The following PEDS1 variants were observed in gnomAD, a reference collection of about 807,000 sequenced individuals.
The protein encoded by PEDS1 is CarF homolog.
Under a neutral mutation model 35.2 loss-of-function variants are expected in PEDS1, and 14 were observed. The observed-to-expected ratio is 0.40, with a 90% confidence interval of 0.26 to 0.62. The LOEUF is 0.62. Among genes scored for constraint, PEDS1 ranks in the 20% least tolerant of loss-of-function variants. The pLI is 0.44. For missense variants in PEDS1, 260 were observed against 367.8 expected (o/e 0.71, Z 2.40); for synonymous variants, 152 against 152.0 (o/e 1.00, Z 0.00).
Position 50,130,919 on chromosome 20 carries a change from C to T in PEDS1, c.270G>A (p.Leu90=). The change falls in exon 3 of 6, where the codon TTG becomes TTA. Residue 90 remains leucine (L), a synonymous_variant. Transcript: ENST00000371652. ...CAGCACCCCAGTGTACCAGGCCAGACAAGAAGTCAGCAATGAGAGCCCCTG... is the reference window on the plus strand; with the variant it reads ...CAGCACCCCAGTGTACCAGGCCAGATAAGAAGTCAGCAATGAGAGCCCCTG... ...VVAGALIADF[L]SGLVHWGADT... is the part of the protein sequence containing the mutation. 1 of 1,614,224 alleles carries T rather than the reference C, an allele frequency of 6.2e-7. No homozygotes were observed. The highest frequency in any genetic ancestry group is 8.5e-7 in the Non-Finnish European group (1 of 1,180,048).
At chr20:50,139,512 C>T (rs902802774) in intron 2 of PEDS1, among the ~76,000 whole-genome samples, 3 of 151,438 alleles carry the variant, frequency 2.0e-5, no homozygotes, top group Admixed American at 6.6e-5. Flanking sequence ...TCTCCCCCGA[C>T]CTCCCTGGTT....
intron 5 of PEDS1, among the ~76,000 whole-genome samples, chr20:50,125,672 C>T (rs2081095196): frequency 6.6e-6 from 1 of 152,094 alleles, no homozygotes; most frequent in African/African-American, 2.4e-5. Flanking sequence ...CGGCTCACTG[C>T]AACCTCCACC....
intron 2 of PEDS1, among the ~76,000 whole-genome samples, chr20:50,143,159 G>A (rs1178895881): frequency 3.3e-5 from 5 of 152,172 alleles, no homozygotes; most frequent in Admixed American, 6.5e-5. Context: ...AAACAGCCCA[G>A]GCGGGAGAGG....
chr20:50,143,373 G>A (rs1379757297), intron 2 of PEDS1, 129 bp downstream of exon 2: 4 of 1,436,378 alleles, frequency 2.8e-6, no homozygotes, highest in East Asian at 2.5e-5. Context: ...AGGGAGGTGG[G>A]GTACTCAAGG....
At chr20:50,148,406 C>T (rs529586013) in intron 1 of PEDS1, among the ~76,000 whole-genome samples, 2 of 152,300 alleles carry the variant, frequency 1.3e-5, no homozygotes, top group Middle Eastern at 3.4e-3. Context: ...ACAGGAGGCC[C>T]GGGCTGTCTT....
At position 50,130,891 on chromosome 20, in the gene PEDS1, T is replaced by C; in HGVS notation, c.298A>G (p.Thr100Ala). The change falls in exon 3 of 6, where the codon ACA becomes GCA. Residue 100 changes from threonine to alanine, a missense_variant. Physicochemically the swap from Thr to Ala is moderately conservative, Grantham distance 58. This residue lies in a region of PEDS1 where 34 missense variants were observed against 81.9 expected (regional missense o/e 0.41). Transcript: ENST00000371652. ...LSGLVHWGAD[T>A]WGSVELPIVG... is the part of the protein sequence containing the mutation. ...ATGGGCAGCTCCACAGAGCCCCATG[T>C]GTCAGCACCCCAGTGTACCAGGCCA... The C allele has an allele frequency of 6.2e-7, 1 of 1,614,214 alleles. No homozygotes were observed. The highest frequency in any genetic ancestry group is 8.5e-7 in the Non-Finnish European group (1 of 1,180,044).
chr20:50,134,464 T>C (rs1447348399), intron 2 of PEDS1, among the ~76,000 whole-genome samples: 2 of 152,166 alleles, frequency 1.3e-5, no homozygotes, highest in African/African-American at 4.8e-5. Context: ...GGAGAATGGC[T>C]TGAACCTGGG....
At chr20:50,138,890 G>A (rs570280207) in intron 2 of PEDS1, among the ~76,000 whole-genome samples, 3 of 152,316 alleles carry the variant, frequency 2.0e-5, no homozygotes, top group South Asian at 2.1e-4. Flanking sequence ...CCTGACTCAC[G>A]GGGGAACTTG....
intron 1 of PEDS1, among the ~76,000 whole-genome samples, chr20:50,148,684 A>G (rs1601234645): frequency 6.6e-6 from 1 of 152,102 alleles, no homozygotes; most frequent in African/African-American, 2.4e-5. Flanking sequence ...TGGACTTCTG[A>G]GGACCCCTGG....
At position 50,120,383 on chromosome 20, in the gene PEDS1, G is replaced by T; in HGVS notation, c.*4675C>A. The stretch of plus-strand genomic sequence containing the variant: ...GTCAGCTTATCCATACTCTAGCCCT[G>T]TTTATATTATTTGATATGAGCCACT... On this transcript the variant is annotated 3_prime_UTR_variant, in exon 6 of 6. Coordinates refer to ENST00000371652, the MANE Select transcript of PEDS1 (RefSeq NM_199129.4). The T allele has an allele frequency of 6.4e-6, 1 of 156,630 alleles. No individual in the cohort carries two copies. The highest frequency in any genetic ancestry group is 1.4e-5 in the Non-Finnish European group (1 of 70,762). The allele number at this position is 156,630 out of a possible 1,614,324, so 9.7% of individuals were successfully genotyped here. A position where few individuals can be genotyped will look rare whatever the true frequency, so the allele number is the denominator to read the frequency against.
At chr20:50,151,776 G>A (rs1042658839) in intron 1 of PEDS1, among the ~76,000 whole-genome samples, 2 of 152,076 alleles carry the variant, frequency 1.3e-5, no homozygotes, top group African/African-American at 2.4e-5. Flanking sequence ...GGAGAATGGC[G>A]TGAACCCGGG....
intron 2 of PEDS1, among the ~76,000 whole-genome samples, chr20:50,137,708 T>C (rs1340088427): frequency 6.6e-6 from 1 of 152,110 alleles, no homozygotes; most frequent in Non-Finnish European, 1.5e-5. Flanking sequence ...CCATCTCTAC[T>C]AAAAACGCAA....
intron 2 of PEDS1, among the ~76,000 whole-genome samples, chr20:50,136,495 G>C (rs1199493042): frequency 1.3e-5 from 2 of 152,110 alleles, no homozygotes; most frequent in African/African-American, 4.8e-5. Flanking sequence ...GGCCAAGGCA[G>C]ATGGATCACT....
chr20:50,142,883 G>A (rs994723570), intron 2 of PEDS1, among the ~76,000 whole-genome samples: 3 of 152,164 alleles, frequency 2.0e-5, no homozygotes, highest in Non-Finnish European at 2.9e-5. Context: ...AAGCCCTGAA[G>A]TAGGAATGTA....
intron 1 of PEDS1, chr20:50,151,254 G>A: frequency 7.7e-7 from 1 of 1,304,294 alleles, no homozygotes; most frequent in Non-Finnish European, 1.0e-6. Context: ...TGCAGATTTG[G>A]GGCACCAGGC....
At chr20:50,145,940 T>C (rs2081341036) in intron 1 of PEDS1, among the ~76,000 whole-genome samples, 1 of 152,108 alleles carries the variant, frequency 6.6e-6, no homozygotes, top group South Asian at 2.1e-4. Context: ...ACCCAACTAG[T>C]CAGCAGAGAC....
intron 1 of PEDS1, among the ~76,000 whole-genome samples, chr20:50,147,257 C>A (rs898204113): frequency 3.9e-5 from 6 of 152,310 alleles, no homozygotes; most frequent in Admixed American, 3.9e-4. Flanking sequence ...TTGAAAATCA[C>A]GTAAAATTCC....
chr20:50,140,146 C>T (rs2081277938), intron 2 of PEDS1, among the ~76,000 whole-genome samples: 1 of 152,244 alleles, frequency 6.6e-6, no homozygotes, highest in Non-Finnish European at 1.5e-5. Flanking sequence ...CTCTCACCTC[C>T]ACAGCCAACC....
At chr20:50,138,946 C>A (rs1043871511) in intron 2 of PEDS1, among the ~76,000 whole-genome samples, 1 of 152,208 alleles carries the variant, frequency 6.6e-6, no homozygotes, top group African/African-American at 2.4e-5. Context: ...CCAGAGGTCA[C>A]CCAGCTGGGA....
Sources: allele counts gnomAD v4.1 joint callset (sites outside exome capture counted in the v4.1 genomes callset), GRCh38; gene constraint gnomAD v4.1.1; regional missense constraint gnomAD v4.1.1; transcripts MANE v1.5; gene names NCBI Gene and HGNC (gene_info 2026-07-23, HGNC 2026-07-21).